The following CREBRF variants were observed in gnomAD, a reference collection of about 807,000 sequenced individuals.
CREBRF encodes the protein CREB3 regulatory factor, also known as UPF0474 protein C5orf41.
CREBRF carries 5 observed loss-of-function variants against 66.1 expected under a neutral mutation model. The observed-to-expected ratio is 0.08, with a 90% CI of 0.04 to 0.16. The LOEUF (loss-of-function observed/expected upper bound fraction) is 0.16. Ranked by LOEUF, CREBRF falls within the 10% of genes least tolerant of loss-of-function variation. The pLI is 1.00. For missense variants in CREBRF, 531 were observed against 744.9 expected (o/e 0.71, Z 3.34); for synonymous variants, 229 against 264.4 (o/e 0.87, Z 1.30).
chr5:173,111,531 G>A (rs1248489632), intron 6 of CREBRF, among the ~76,000 whole-genome samples: 1 of 152,176 alleles, frequency 6.6e-6, no homozygotes, highest in Non-Finnish European at 1.5e-5. Flanking sequence ...AGCTGAATCT[G>A]TATTCTTTCA....
chr5:173,081,110 C>T (rs1427938817), intron 2 of CREBRF, among the ~76,000 whole-genome samples: 3 of 152,164 alleles, frequency 2.0e-5, no homozygotes, highest in African/African-American at 7.2e-5. Context: ...CCTCACTATT[C>T]CTATTTCCCA....
At position 173,137,863 on chromosome 5, in the gene CREBRF, AATTAACAAAAAC is replaced by A. The variant is rs1759623999; in HGVS notation, c.*4119_*4130del. ...ATGAATTCAAGTTGCCTTCAGCAAG[AATTAACAAAAAC>A]TTATGTTCCCTTTCTTTATATAGTT... On this transcript the variant is annotated 3_prime_UTR_variant, in exon 9 of 9. Transcript: ENST00000296953. 2 of 152,174 alleles carry A rather than the reference AATTAACAAAAAC, an allele frequency of 1.3e-5. No individual in the cohort carries two copies. Among genetic ancestry groups the A allele is most frequent in the South Asian group, 4.1e-4 (2 of 4,834 alleles). The allele number at this position is 152,174 out of a possible 1,614,324, so 9.4% of individuals were successfully genotyped here.
intron 2 of CREBRF, among the ~76,000 whole-genome samples, chr5:173,082,632 T>C (rs1757991292): frequency 6.6e-6 from 1 of 151,080 alleles, no homozygotes; most frequent in African/African-American, 2.4e-5. Flanking sequence ...TTTGGCCAGT[T>C]GGCAGTGGCT....
chr5:173,086,134 T>C (rs1350537116), intron 2 of CREBRF: 4 of 793,176 alleles, frequency 5.0e-6, no homozygotes, highest in Non-Finnish European at 9.2e-6. Context: ...GGAAATTTGT[T>C]TGTCGTGTAG....
chr5:173,058,192 C>T (rs570589273), intron 1 of CREBRF, among the ~76,000 whole-genome samples: 1 of 152,012 alleles, frequency 6.6e-6, no homozygotes, highest in African/African-American at 2.4e-5. Flanking sequence ...ATGAATAATT[C>T]GAAAATAACT....
chr5:173,111,272 C>G (rs1201456155), intron 6 of CREBRF, among the ~76,000 whole-genome samples: 1 of 152,018 alleles, frequency 6.6e-6, no homozygotes, highest in Non-Finnish European at 1.5e-5. Context: ...TTTGATTGAA[C>G]CTGTCTTCCT....
chr5:173,070,607 C>G (rs1757569530), intron 1 of CREBRF, among the ~76,000 whole-genome samples: 1 of 152,036 alleles, frequency 6.6e-6, no homozygotes, highest in Non-Finnish European at 1.5e-5. Flanking sequence ...CCTCTGTCCT[C>G]TCTTCCCTAG....
chr5:173,106,991 C>G (rs1758765746), intron 4 of CREBRF, among the ~76,000 whole-genome samples: 1 of 152,148 alleles, frequency 6.6e-6, no homozygotes, highest in Admixed American at 6.6e-5. Context: ...CTCAGGTGAT[C>G]CGCCCACCTT....
intron 1 of CREBRF, among the ~76,000 whole-genome samples, chr5:173,061,468 A>C (rs1252046297): frequency 1.3e-5 from 2 of 152,212 alleles, no homozygotes; most frequent in Admixed American, 1.3e-4. Flanking sequence ...TTTAAAGCAA[A>C]TATTGGTATA....
intron 6 of CREBRF, among the ~76,000 whole-genome samples, chr5:173,111,512 A>G (rs1758870053): frequency 1.3e-5 from 2 of 152,258 alleles, no homozygotes; most frequent in South Asian, 4.1e-4. Context: ...GGCGTGAGCC[A>G]GTGCGCCCAG....
intron 2 of CREBRF, among the ~76,000 whole-genome samples, chr5:173,082,014 T>TTTG (rs1554123742): frequency 8.8e-6 from 1 of 113,784 alleles, no homozygotes; most frequent in African/African-American, 3.3e-5. Flanking sequence ...TTTTTTTTTT[T>TTTG]TTTTTTTTTT....
chr5:173,098,047 C>T (rs1015295690), intron 4 of CREBRF, among the ~76,000 whole-genome samples: 2 of 151,730 alleles, frequency 1.3e-5, no homozygotes, highest in Non-Finnish European at 2.9e-5. Flanking sequence ...TTGCTTTATC[C>T]CGTAAGTTTT....
chr5:173,132,323 G>A (rs549836665), intron 8 of CREBRF, among the ~76,000 whole-genome samples: 1 of 150,682 alleles, frequency 6.6e-6, no homozygotes, highest in Admixed American at 6.6e-5. Context: ...CTGACCTCAG[G>A]TGATCTGCCT....
intron 1 of CREBRF, chr5:173,057,660 G>C (rs1326702780): frequency 6.6e-6 from 1 of 152,208 alleles, no homozygotes; most frequent in Non-Finnish European, 1.5e-5. Flanking sequence ...GAGCTGGCTT[G>C]AGCCTTAAGA....
chr5:173,085,218 C>A, intron 2 of CREBRF: 1 of 397,728 alleles, frequency 2.5e-6, no homozygotes, highest in South Asian at 4.2e-5. Flanking sequence ...GCTGGGATTA[C>A]AGGCTTGAGT....
chr5:173,068,157 A>G (rs904213915), intron 1 of CREBRF: 3 of 453,242 alleles, frequency 6.6e-6, no homozygotes, highest in African/African-American at 6.0e-5. Flanking sequence ...GTTACTGTAA[A>G]TTTTATTCTT....
At chr5:173,070,226 C>T (rs1474892146) in intron 1 of CREBRF, among the ~76,000 whole-genome samples, 1 of 152,096 alleles carries the variant, frequency 6.6e-6, no homozygotes, top group African/African-American at 2.4e-5. Flanking sequence ...AGTTCAAATC[C>T]TTGCTAACAA....
intron 4 of CREBRF, among the ~76,000 whole-genome samples, chr5:173,095,143 C>T (rs1758445853): frequency 7.1e-6 from 1 of 140,844 alleles, no homozygotes; most frequent in Non-Finnish European, 1.5e-5. Flanking sequence ...GTATATATGT[C>T]TGTTTTTATG....
chr5:173,087,724 G>T (rs923039835), intron 3 of CREBRF, among the ~76,000 whole-genome samples: 1 of 151,974 alleles, frequency 6.6e-6, no homozygotes, highest in Non-Finnish European at 1.5e-5. Context: ...GGTGGCTCAT[G>T]CCTGTAATCC....
Sources: allele counts gnomAD v4.1 joint callset (sites outside exome capture counted in the v4.1 genomes callset), GRCh38; gene constraint gnomAD v4.1.1; transcripts MANE v1.5; gene names NCBI Gene and HGNC (gene_info 2026-07-23, HGNC 2026-07-21).